CNTN5: variants seen among roughly 807,000 people sequenced by gnomAD.
CNTN5 encodes contactin-5.
A neutral mutation model predicts 129.1 loss-of-function variants in CNTN5; 77 were observed. That is an observed-to-expected ratio of 0.60 (90% CI 0.50 to 0.72). The LOEUF is 0.72. CNTN5 is among the 30% of genes least tolerant of loss of function. CNTN5 has a pLI of 0.00. For synonymous variants in CNTN5, 509 were observed against 465.6 expected (o/e 1.09, Z -1.20); for missense variants, 1,478 against 1,328.8 (o/e 1.11, Z -1.75).
intron 15 of CNTN5, among the ~76,000 whole-genome samples, chr11:100,197,446 A>G (rs1012834529): frequency 2.0e-5 from 3 of 151,964 alleles, no homozygotes; most frequent in African/African-American, 7.2e-5. Flanking sequence ...AGAGGTTATA[A>G]TAAGGAGATA....
At chr11:99,688,749 C>T (rs903185415) in intron 3 of CNTN5, among the ~76,000 whole-genome samples, 1 of 152,112 alleles carries the variant, frequency 6.6e-6, no homozygotes, top group African/African-American at 2.4e-5. Context: ...TCTTGATGCT[C>T]TCCCTTCTCC....
At chr11:99,437,145 AT>A (rs1307277407) in intron 2 of CNTN5, among the ~76,000 whole-genome samples, 1 of 152,194 alleles carries the variant, frequency 6.6e-6, no homozygotes, top group Non-Finnish European at 1.5e-5. Context: ...AATTTGTAAA[AT>A]GTTATGTAGG....
chr11:99,309,440 A>G (rs959775238), intron 1 of CNTN5, among the ~76,000 whole-genome samples: 2 of 152,184 alleles, frequency 1.3e-5, no homozygotes, highest in African/African-American at 4.8e-5. Context: ...AACCAGAAAA[A>G]TGATTTCCCT....
chr11:100,053,417 T>TA (rs1328170893), intron 9 of CNTN5, among the ~76,000 whole-genome samples: 1 of 151,454 alleles, frequency 6.6e-6, no homozygotes, highest in Non-Finnish European at 1.5e-5. Context: ...AAATGCAACA[T>TA]AAAAAATGAA....
intron 16 of CNTN5, among the ~76,000 whole-genome samples, chr11:100,230,035 C>G (rs989655642): frequency 6.6e-6 from 1 of 152,030 alleles, no homozygotes; most frequent in African/African-American, 2.4e-5. Flanking sequence ...TATTTGGAGT[C>G]AAAAAGACAA....
At chr11:99,197,488 A>G (rs1416766742) in intron 1 of CNTN5, among the ~76,000 whole-genome samples, 1 of 152,112 alleles carries the variant, frequency 6.6e-6, no homozygotes, top group Admixed American at 6.5e-5. Context: ...ATATATTTTT[A>G]TGTATCTACT....
chr11:99,608,063 C>T (rs1338481759), intron 3 of CNTN5, among the ~76,000 whole-genome samples: 10 of 137,230 alleles, frequency 7.3e-5, no homozygotes. Flanking sequence ...AACTAACCTG[C>T]ACAATGTGCA....
intron 1 of CNTN5, among the ~76,000 whole-genome samples, chr11:99,038,960 A>C (rs1215517025): frequency 3.3e-5 from 5 of 152,102 alleles, no homozygotes; most frequent in Non-Finnish European, 5.9e-5. Context: ...TGTTGTATTG[A>C]TTATATAATG....
At chr11:99,518,107 C>T (rs1040130657) in intron 2 of CNTN5, among the ~76,000 whole-genome samples, 3 of 152,008 alleles carry the variant, frequency 2.0e-5, no homozygotes, top group Non-Finnish European at 4.4e-5. Context: ...TTACTCAATT[C>T]TAATTATTTC....
chr11:99,520,257 C>T (rs1947225528), intron 2 of CNTN5, among the ~76,000 whole-genome samples: 1 of 152,058 alleles, frequency 6.6e-6, no homozygotes. Context: ...GCTTAGAAAA[C>T]ATCTAACCTG....
chr11:99,194,399 A>T (rs144302696), intron 1 of CNTN5, among the ~76,000 whole-genome samples: 3 of 152,282 alleles, frequency 2.0e-5, no homozygotes, highest in Non-Finnish European at 2.9e-5. Flanking sequence ...TTGCAATAAG[A>T]TACACAGCAC....
chr11:99,681,610 A>G (rs1953558130), intron 3 of CNTN5, among the ~76,000 whole-genome samples: 1 of 152,056 alleles, frequency 6.6e-6, no homozygotes, highest in Admixed American at 6.6e-5. Context: ...GTAAAGTGTA[A>G]ACATGAATTT....
chr11:100,302,687 T>G (rs965301488), intron 20 of CNTN5, among the ~76,000 whole-genome samples: 1 of 151,442 alleles, frequency 6.6e-6, no homozygotes, highest in East Asian at 1.9e-4. Context: ...ACAGAAAAAC[T>G]TACAAGGCAC....
intron 13 of CNTN5, among the ~76,000 whole-genome samples, chr11:100,153,365 TAATC>T (rs775472612): frequency 6.6e-6 from 1 of 152,144 alleles, no homozygotes; most frequent in Non-Finnish European, 1.5e-5. Context: ...TATTTGTTCT[TAATC>T]AGAAGGTTAT....
At chr11:99,779,976 C>T (rs1030404968) in intron 3 of CNTN5, among the ~76,000 whole-genome samples, 1 of 151,964 alleles carries the variant, frequency 6.6e-6, no homozygotes, top group African/African-American at 2.4e-5. Flanking sequence ...CCTTTCCACA[C>T]TCAAATTGTC....
At chr11:100,330,410 G>T (rs536420433) in intron 21 of CNTN5, among the ~76,000 whole-genome samples, 2 of 152,236 alleles carry the variant, frequency 1.3e-5, no homozygotes, top group East Asian at 3.9e-4. Context: ...ATACTTGAGG[G>T]AATAATCAAA....
chr11:99,418,487 A>C (rs1480389480), intron 2 of CNTN5, among the ~76,000 whole-genome samples: 1 of 152,214 alleles, frequency 6.6e-6, no homozygotes, highest in East Asian at 1.9e-4. Flanking sequence ...GGGATAATTG[A>C]TGCTGCAAAT....
chr11:99,127,380 A>G (rs993412456), intron 1 of CNTN5, among the ~76,000 whole-genome samples: 1 of 152,152 alleles, frequency 6.6e-6, no homozygotes, highest in African/African-American at 2.4e-5. Flanking sequence ...TTTCAACTAC[A>G]ACTATCAGTC....
intron 1 of CNTN5, among the ~76,000 whole-genome samples, chr11:99,321,859 C>T (rs1270973143): frequency 1.3e-5 from 2 of 152,120 alleles, no homozygotes; most frequent in Non-Finnish European, 2.9e-5. Context: ...GGGCACCATG[C>T]ATAACCTCCA....
Sources: allele counts gnomAD v4.1 joint callset (sites outside exome capture counted in the v4.1 genomes callset), GRCh38; gene constraint gnomAD v4.1.1; transcripts MANE v1.5; gene names NCBI Gene and HGNC (gene_info 2026-07-23, HGNC 2026-07-21).